Variants in PEPD observed in about 807,000 individuals in gnomAD.
The protein encoded by PEPD is peptidase D.
Under a neutral mutation model 60.7 loss-of-function variants are expected in PEPD, and 53 were observed. That is an observed-to-expected ratio of 0.87 (90% confidence interval 0.70 to 1.10). The LOEUF is 1.10. Among genes scored for constraint, PEPD ranks in the 50% least tolerant of loss-of-function variants. The pLI is 0.00. For missense variants in PEPD, 711 were observed against 711.9 expected (o/e 1.00, Z 0.01); for synonymous variants, 267 against 284.1 (o/e 0.94, Z 0.60).
intron 9 of PEPD, among the ~76,000 whole-genome samples, chr19:33,424,615 G>A (rs73588216): frequency 0.07 from 10,698 of 152,244 alleles, 450 homozygotes; most frequent in Middle Eastern, 0.12. Flanking sequence ...TGAGGCGGGA[G>A]GATCGCTGGA....
chr19:33,506,879 C>G (rs1970824079), intron 3 of PEPD, among the ~76,000 whole-genome samples: 1 of 151,104 alleles, frequency 6.6e-6, no homozygotes, highest in South Asian at 2.1e-4. Flanking sequence ...ACACCACACA[C>G]CCCCATCACA....
intron 9 of PEPD, among the ~76,000 whole-genome samples, chr19:33,433,572 T>G (rs1359155069): frequency 2.6e-5 from 4 of 152,242 alleles, no homozygotes; most frequent in Non-Finnish European, 4.4e-5. Flanking sequence ...TAATGCCCCA[T>G]ATTTAAAAAC....
At chr19:33,459,749 C>A (rs960316083) in intron 9 of PEPD, among the ~76,000 whole-genome samples, 3 of 151,838 alleles carry the variant, frequency 2.0e-5, no homozygotes, top group African/African-American at 7.3e-5. Context: ...AGGCTTAGAA[C>A]TGGAGGTCCA....
chr19:33,432,917 G>A (rs79610120), intron 9 of PEPD, among the ~76,000 whole-genome samples: 1 of 152,356 alleles, frequency 6.6e-6, no homozygotes. Flanking sequence ...ACGCCTTCCA[G>A]AGGCACCTCG....
At chr19:33,472,967 G>A (rs1405343528) in intron 7 of PEPD, among the ~76,000 whole-genome samples, 1 of 152,162 alleles carries the variant, frequency 6.6e-6, no homozygotes, top group Non-Finnish European at 1.5e-5. Context: ...ATATCCTCTG[G>A]GGAATCAATC....
At chr19:33,423,693 T>C (rs866989874) in intron 9 of PEPD, among the ~76,000 whole-genome samples, 2 of 152,254 alleles carry the variant, frequency 1.3e-5, no homozygotes, top group South Asian at 2.1e-4. Context: ...TATTGATCCT[T>C]AAGGGATTTA....
At chr19:33,507,536 G>C (rs1970836621) in intron 3 of PEPD, among the ~76,000 whole-genome samples, 1 of 152,192 alleles carries the variant, frequency 6.6e-6, no homozygotes, top group Non-Finnish European at 1.5e-5. Context: ...CTGCAGACGG[G>C]GGTGTCGTTT....
chr19:33,387,574 A>G, intron 14 of PEPD, 93 bp from the exon 15 acceptor site: 1 of 1,506,538 alleles, frequency 6.6e-7, no homozygotes, highest in Non-Finnish European at 9.2e-7. Context: ...CCACCATGGG[A>G]TGGGAGCAGC....
At chr19:33,513,437 C>A (rs1970965448) in intron 1 of PEPD, among the ~76,000 whole-genome samples, 1 of 152,146 alleles carries the variant, frequency 6.6e-6, no homozygotes, top group Non-Finnish European at 1.5e-5. Context: ...AGCACCTGCA[C>A]CTGGACAGTC....
chr19:33,391,708 C>T (rs775004275), intron 12 of PEPD, among the ~76,000 whole-genome samples: 7 of 152,184 alleles, frequency 4.6e-5, no homozygotes, highest in East Asian at 1.9e-4. Flanking sequence ...CTTCTTGTCC[C>T]TCCATTCTGC....
At chr19:33,427,238 G>GGGAGGC (rs1969170870) in intron 9 of PEPD, among the ~76,000 whole-genome samples, 1 of 152,214 alleles carries the variant, frequency 6.6e-6, no homozygotes, top group Non-Finnish European at 1.5e-5. Flanking sequence ...CATGGAGCTG[G>GGGAGGC]GGAGGCGGAG....
chr19:33,451,927 T>C (rs1969708017), intron 9 of PEPD, among the ~76,000 whole-genome samples: 1 of 152,090 alleles, frequency 6.6e-6, no homozygotes, highest in Non-Finnish European at 1.5e-5. Context: ...CAAAGAATTA[T>C]AAAACCATCT....
intron 9 of PEPD, among the ~76,000 whole-genome samples, chr19:33,418,984 C>T (rs1043706291): frequency 1.3e-5 from 2 of 152,194 alleles, no homozygotes; most frequent in South Asian, 2.1e-4. Context: ...AGACACAGGC[C>T]GTCTGCAGCA....
At chr19:33,511,298 T>A in intron 2 of PEPD, 143 bp from the exon 3 acceptor site, 1 of 799,276 alleles carries the variant, frequency 1.3e-6, no homozygotes. Context: ...TCCCTTCCCC[T>A]CAGCACTCGA....
intron 11 of PEPD, 35 bp from the exon 12 acceptor site, chr19:33,401,904 G>A (rs2145347208): frequency 2.5e-6 from 4 of 1,608,260 alleles, no homozygotes; most frequent in Non-Finnish European, 3.4e-6. Flanking sequence ...AGTGGGTACT[G>A]GGGTGCCACC....
At chr19:33,517,326 G>A (rs910493074) in intron 1 of PEPD, among the ~76,000 whole-genome samples, 1 of 152,100 alleles carries the variant, frequency 6.6e-6, no homozygotes, top group Non-Finnish European at 1.5e-5. Context: ...TTAGGAGGCC[G>A]ACATGGGCAG....
At chr19:33,447,065 G>A (rs923633650) in intron 9 of PEPD, among the ~76,000 whole-genome samples, 3 of 152,178 alleles carry the variant, frequency 2.0e-5, no homozygotes, top group Non-Finnish European at 2.9e-5. Flanking sequence ...GGTGCACTTC[G>A]CCCTAGCTGG....
chr19:33,512,732 G>T lies in PEPD; in HGVS notation c.62C>A (p.Ala21Glu), dbSNP rs199711203. The change falls in exon 2 of 15, where the codon GCG becomes GAG. Residue 21 changes from alanine to glutamate, a missense_variant. By Grantham distance (107) the Ala-to-Glu change is moderately radical. Transcript: ENST00000244137. The stretch of plus-strand genomic sequence containing the variant: ...GCGCTGCCGGTTCAAGGCAAAGAGC[G>T]CCAGCGGCACCTTCAGGGTTTCATT... Reference protein sequence around the residue: ...LGNETLKVPLALFALNRQRLC... With the variant: ...LGNETLKVPLELFALNRQRLC... The T allele has an allele frequency of 6.2e-7, 1 of 1,613,890 alleles. No homozygotes were observed. Among genetic ancestry groups the T allele is most frequent in the Non-Finnish European group, 8.5e-7 (1 of 1,179,930 alleles).
rs200235768 is a variant in PEPD at position 33,510,980 on chromosome 19, C to T, written c.329+48G>A. 1.7e-5 allele frequency: 27 copies of T among 1,594,700 alleles called. No homozygotes were observed. The East Asian group carries it at 5.3e-4, about 31-fold the overall frequency. Reference sequence around the variant, plus strand: ...CTCATCCCACCTCCCCTACCCACCCCCAGCCCATGGTTGGTAGCCATGGTG... The same window carrying T: ...CTCATCCCACCTCCCCTACCCACCCTCAGCCCATGGTTGGTAGCCATGGTG... On this transcript the variant is annotated intron_variant, in intron 3 of 14. Transcript: ENST00000244137.
Sources: gnomAD v4.1 joint callset for allele counts (sites outside exome capture counted in the v4.1 genomes callset) on GRCh38, gnomAD v4.1.1 for gene constraint, MANE v1.5 for transcripts, NCBI Gene and HGNC (gene_info 2026-07-23, HGNC 2026-07-21) for gene names.